TIPIN: variants seen among roughly 807,000 people sequenced by gnomAD.
TIPIN encodes the protein TIMELESS-interacting protein.
A neutral mutation model predicts 35.6 loss-of-function variants in TIPIN; 29 were observed. That is an observed-to-expected ratio of 0.82 (90% CI 0.61 to 1.11). The LOEUF (loss-of-function observed/expected upper bound fraction) is 1.11, where lower values mean the gene tolerates loss of function less well. Ranked by LOEUF, TIPIN falls within the 50% of genes most tolerant of loss-of-function variation. TIPIN has a pLI of 0.00. For synonymous variants in TIPIN, 102 were observed against 121.5 expected (o/e 0.84, Z 1.06); for missense variants, 296 against 345.4 (o/e 0.86, Z 1.13).
chr15:66,360,785 G>A (rs2093227611), upstream of TIPIN, among the ~76,000 whole-genome samples: 1 of 152,158 alleles, frequency 6.6e-6, no homozygotes, highest in South Asian at 2.1e-4. Context: ...TGGCCAACAT[G>A]GTGAAAACTC....
At chr15:66,350,624 A>AC (rs1566976002) in intron 4 of TIPIN, among the ~76,000 whole-genome samples, 1 of 146,164 alleles carries the variant, frequency 6.8e-6, no homozygotes, top group African/African-American at 2.5e-5. Context: ...AAAAAAAAAA[A>AC]CACTTAATAA....
chr15:66,352,496 G>A lies in TIPIN; in HGVS notation c.134-289C>T, dbSNP rs62627277. Among the ~76,000 whole-genome samples, 1,305 of 151,984 alleles carry A rather than the reference G, an allele frequency of 8.6e-3. 28 individuals are homozygous for A. Among genetic ancestry groups the A allele is most frequent in the African/African-American group, 0.03 (1,242 of 41,448 alleles). ...AAATCTTTAGTAGAGTTGAGGTCTC[G>A]CCAGGCTGGTCTTGAACTCCTGGGC... On this transcript the variant is annotated intron_variant, in intron 2 of 7. Coordinates refer to ENST00000261881, the MANE Select transcript of TIPIN (RefSeq NM_017858.3).
chr15:66,383,518 C>T, intron 1 of TIPIN: 1 of 889,538 alleles, frequency 1.1e-6, no homozygotes, highest in South Asian at 5.2e-5. Flanking sequence ...CCCACCTCAG[C>T]CTCCCAAAGT....
At chr15:66,375,463 C>A (rs971932647) in intron 1 of TIPIN, among the ~76,000 whole-genome samples, 1 of 148,750 alleles carries the variant, frequency 6.7e-6, no homozygotes, top group African/African-American at 2.5e-5. Context: ...GCATGAGCCA[C>A]GACGCCCAGC....
chr15:66,367,778 A>T (rs2093262406), intron 1 of TIPIN, among the ~76,000 whole-genome samples: 1 of 148,966 alleles, frequency 6.7e-6, no homozygotes, highest in Non-Finnish European at 1.5e-5. Context: ...TTGTGTTGCT[A>T]TTTTGTTATT....
chr15:66,339,131 C>CAAAAAAAAAAA (rs35065958), intron 7 of TIPIN, among the ~76,000 whole-genome samples: 1 of 20,584 alleles, frequency 4.9e-5, no homozygotes, highest in Admixed American at 8.6e-4. Context: ...GACTCCATCT[C>CAAAAAAAAAAA]AAAAAAAAAA....
Position 66,371,165 on chromosome 15 carries a change from C to A in TIPIN, c.-9+15442G>T, listed in dbSNP as rs938464389. The stretch of plus-strand genomic sequence containing the variant: ...GGCAGAGGTTGCAGTGAGCTGAGAT[C>A]TCGCCATTGCACTGCAGGCTGGGCA... On this transcript the variant is annotated intron_variant, in intron 1 of 7. Coordinates refer to the TIPIN transcript ENST00000562124. 1.7e-5 allele frequency: 15 copies of A among 906,840 alleles called. No homozygotes were observed. In the African/African-American group the frequency reaches 2.7e-4, roughly 16 times the overall value. The allele number at this position is 906,840 out of a possible 1,614,324, so 56.2% of individuals were successfully genotyped here.
At chr15:66,368,314 G>A (rs945002763) in intron 1 of TIPIN, among the ~76,000 whole-genome samples, 17 of 150,288 alleles carry the variant, frequency 1.1e-4, no homozygotes, top group African/African-American at 4.2e-4. Flanking sequence ...GAGTTCAGGA[G>A]TTTGAGACGA....
chr15:66,343,947 G>A (rs914522590), intron 6 of TIPIN, among the ~76,000 whole-genome samples: 2 of 151,674 alleles, frequency 1.3e-5, no homozygotes, highest in African/African-American at 2.4e-5. Flanking sequence ...GCAGTGAGCC[G>A]AGATCACACC....
At chr15:66,343,949 G>T (rs1290536115) in intron 6 of TIPIN, among the ~76,000 whole-genome samples, 1 of 151,680 alleles carries the variant, frequency 6.6e-6, no homozygotes, top group Non-Finnish European at 1.5e-5. Context: ...AGTGAGCCGA[G>T]ATCACACCAC....
chr15:66,361,561 T>TA (rs1274566603), upstream of TIPIN, among the ~76,000 whole-genome samples: 2 of 33,994 alleles, frequency 5.9e-5, no homozygotes, highest in Admixed American at 4.6e-4. Context: ...CACCTGTAAT[T>TA]TAAAAAAAAA....
intron 1 of TIPIN, among the ~76,000 whole-genome samples, chr15:66,383,159 A>C (rs1309376197): frequency 6.6e-6 from 1 of 152,190 alleles, no homozygotes; most frequent in Non-Finnish European, 1.5e-5. Flanking sequence ...TGAAAATTTC[A>C]ATTAATTGCT....
intron 1 of TIPIN, chr15:66,382,424 TC>T: frequency 1.0e-6 from 1 of 975,126 alleles, no homozygotes; most frequent in Non-Finnish European, 1.2e-6. Flanking sequence ...TCTTCTGTTT[TC>T]CAGGCTGGTG....
At chr15:66,367,629 G>A (rs1457823674) in intron 1 of TIPIN, among the ~76,000 whole-genome samples, 3 of 151,682 alleles carry the variant, frequency 2.0e-5, no homozygotes, top group Admixed American at 6.6e-5. Flanking sequence ...TCTTGACCTC[G>A]TGATCTGCCT....
At chr15:66,357,185 A>C (rs1427846322), upstream of TIPIN, among the ~76,000 whole-genome samples, 1 of 152,062 alleles carries the variant, frequency 6.6e-6, no homozygotes, top group Non-Finnish European at 1.5e-5. Context: ...TCAGCTTCCC[A>C]AAGTGCTGGG....
chr15:66,338,327 G>A (rs561611970), intron 7 of TIPIN, among the ~76,000 whole-genome samples: 1 of 152,236 alleles, frequency 6.6e-6, no homozygotes, highest in East Asian at 1.9e-4. Flanking sequence ...ATGTCAGAGT[G>A]ATCCATAAGA....
intron 7 of TIPIN, 55 bp from the exon 8 acceptor site, chr15:66,337,236 G>T (rs567833629): frequency 4.7e-5 from 68 of 1,455,132 alleles, no homozygotes; most frequent in Non-Finnish European, 4.6e-5. Flanking sequence ...CAATCTTACC[G>T]CATGAGTACA....
Position 66,356,634 on chromosome 15 carries a change from C to T in TIPIN, c.-9+5G>A, listed in dbSNP as rs1407278844. The T allele has an allele frequency of 2.2e-6, 2 of 919,144 alleles. No individual in the cohort carries two copies. The highest frequency in any genetic ancestry group is 2.1e-5 in the African/African-American group (1 of 46,956). The allele number at this position is 919,144 out of a possible 1,614,324, so 56.9% of individuals were successfully genotyped here. Reference sequence around the variant, plus strand: ...AACTTCATTGGCCCGCCAGCCAGCTCTCACCTCACGCAGAAAACACGGGAC... The same window carrying T: ...AACTTCATTGGCCCGCCAGCCAGCTTTCACCTCACGCAGAAAACACGGGAC... On this transcript the variant is annotated splice_donor_5th_base_variant and intron_variant, in intron 1 of 7. Transcript: ENST00000261881.
At position 66,336,717 on chromosome 15, in the gene TIPIN, T is replaced by G. The variant is rs550887648; in HGVS notation, c.*241A>C. On this transcript the variant is annotated 3_prime_UTR_variant, in exon 8 of 8. Coordinates refer to ENST00000261881, the MANE Select transcript of TIPIN (RefSeq NM_017858.3). Reference sequence around the variant, plus strand: ...ATGACAGACCAGCAGCAGAAACTGCTTATTACCTCCTAATCATTTTATGAA... The same window carrying G: ...ATGACAGACCAGCAGCAGAAACTGCGTATTACCTCCTAATCATTTTATGAA... 1 of 445,726 alleles carries G rather than the reference T, an allele frequency of 2.2e-6. No homozygotes were observed. Among genetic ancestry groups the G allele is most frequent in the Non-Finnish European group, 4.1e-6 (1 of 244,838 alleles). 27.6% of individuals were successfully genotyped at this position (445,726 alleles called of 1,614,324 possible). A position where few individuals can be genotyped will look rare whatever the true frequency, so the allele number is the denominator to read the frequency against.
Sources: gnomAD v4.1 joint callset for allele counts (sites outside exome capture counted in the v4.1 genomes callset) on GRCh38, gnomAD v4.1.1 for gene constraint, MANE v1.5 for transcripts, NCBI Gene and HGNC (gene_info 2026-07-23, HGNC 2026-07-21) for gene names.